The following FBXW10B variants were observed in gnomAD, a reference collection of about 807,000 sequenced individuals.
FBXW10B encodes F-box and WD repeat domain containing protein 10B.
the FBXW10B span, chr17:15,613,774 C>A: frequency 6.2e-7 from 1 of 1,613,298 alleles, no homozygotes; most frequent in Non-Finnish European, 8.5e-7. Flanking sequence ...ACCCAGAAAC[C>A]CCAGAACTGG....
the FBXW10B span, among the ~76,000 whole-genome samples, chr17:15,614,337 C>T: frequency 2.0e-5 from 3 of 151,948 alleles, no homozygotes; most frequent in Admixed American, 6.6e-5. Flanking sequence ...TACAGGCGCC[C>T]GCCACCACGC....
the FBXW10B span, among the ~76,000 whole-genome samples, chr17:15,611,670 A>T: frequency 6.6e-6 from 1 of 152,194 alleles, no homozygotes; most frequent in South Asian, 2.1e-4. Flanking sequence ...TTCTAATTTA[A>T]CATAGCTGCC....
chr17:15,607,287 CAAAATAAAGATATTTCAA>C, the FBXW10B span, among the ~76,000 whole-genome samples: 1 of 148,518 alleles, frequency 6.7e-6, no homozygotes, highest in Non-Finnish European at 1.5e-5. Context: ...ATTAATAAAA[CAAAATAAAGATATTTCAA>C]AAAATAAAGA....
At chr17:15,572,065 G>A in the FBXW10B span, 11 of 150,252 alleles carry the variant, frequency 7.3e-5, no homozygotes, top group African/African-American at 2.5e-4. Flanking sequence ...CTTGATTGTG[G>A]TGGTGGTTAC....
the FBXW10B span, among the ~76,000 whole-genome samples, chr17:15,592,608 T>A: frequency 5.3e-5 from 8 of 151,970 alleles, no homozygotes; most frequent in African/African-American, 1.9e-4. Flanking sequence ...TCCCCCACTG[T>A]ACCCCCTGCT....
At chr17:15,576,463 G>A in the FBXW10B span, among the ~76,000 whole-genome samples, 1 of 152,314 alleles carries the variant, frequency 6.6e-6, no homozygotes, top group South Asian at 2.1e-4. Context: ...GAATAGATCA[G>A]TACAAACAAG....
chr17:15,614,354 A>G, the FBXW10B span, among the ~76,000 whole-genome samples: 1 of 151,432 alleles, frequency 6.6e-6, no homozygotes, highest in Admixed American at 6.6e-5. Flanking sequence ...ACGCCCGACT[A>G]ATTTTTTGTA....
the FBXW10B span, among the ~76,000 whole-genome samples, chr17:15,585,009 A>G: frequency 3.4e-5 from 5 of 148,692 alleles, no homozygotes; most frequent in Non-Finnish European, 7.4e-5. Context: ...CAATTCAGGA[A>G]AAATAAAATG....
the FBXW10B span, among the ~76,000 whole-genome samples, chr17:15,611,772 G>C: frequency 6.6e-6 from 1 of 152,132 alleles, no homozygotes; most frequent in African/African-American, 2.4e-5. Flanking sequence ...CAGGTGGGGG[G>C]GCGCAGAAAT....
chr17:15,592,718 G>A, the FBXW10B span, among the ~76,000 whole-genome samples: 1 of 151,746 alleles, frequency 6.6e-6, no homozygotes, highest in African/African-American at 2.4e-5. Context: ...TGATCAAAGA[G>A]CAAGCAGGGG....
the FBXW10B span, chr17:15,572,888 T>G: frequency 6.6e-6 from 1 of 151,666 alleles, no homozygotes; most frequent in South Asian, 2.1e-4. Context: ...GTTGTACAAA[T>G]GGGGCTGGTG....
the FBXW10B span, among the ~76,000 whole-genome samples, chr17:15,587,013 G>A: frequency 6.6e-6 from 1 of 151,614 alleles, no homozygotes; most frequent in African/African-American, 2.4e-5. Context: ...CTGGAGCCTT[G>A]AGAAGGCAGG....
the FBXW10B span, among the ~76,000 whole-genome samples, chr17:15,595,104 G>A: frequency 6.6e-6 from 1 of 152,150 alleles, no homozygotes; most frequent in African/African-American, 2.4e-5. Context: ...CACTTTGGGA[G>A]GCCGAGGCGG....
chr17:15,612,838 A>C, the FBXW10B span: 3 of 1,604,422 alleles, frequency 1.9e-6, no homozygotes, highest in Middle Eastern at 1.7e-4. Flanking sequence ...AAAAACAAAA[A>C]AAAACCAAAA....
At chr17:15,611,775 G>A in the FBXW10B span, among the ~76,000 whole-genome samples, 10 of 152,218 alleles carry the variant, frequency 6.6e-5, no homozygotes, top group South Asian at 2.1e-4. Flanking sequence ...GTGGGGGGGC[G>A]CAGAAATCTA....
the FBXW10B span, chr17:15,573,159 G>A: frequency 6.6e-6 from 1 of 152,190 alleles, no homozygotes; most frequent in Admixed American, 6.5e-5. Flanking sequence ...CTGTCTACCT[G>A]TAATTCATTA....
the FBXW10B span, among the ~76,000 whole-genome samples, chr17:15,616,937 C>T: frequency 6.6e-6 from 1 of 151,984 alleles, no homozygotes; most frequent in East Asian, 1.9e-4. Flanking sequence ...CACTGCGGAG[C>T]ATTGCATCTG....
chr17:15,571,256 G>T, the FBXW10B span, among the ~76,000 whole-genome samples: 1 of 151,430 alleles, frequency 6.6e-6, no homozygotes, highest in African/African-American at 2.4e-5. Flanking sequence ...GAGGAGGGAG[G>T]ATCACTTGAG....
the FBXW10B span, among the ~76,000 whole-genome samples, chr17:15,570,520 A>G: frequency 6.6e-6 from 1 of 152,352 alleles, no homozygotes; most frequent in East Asian, 1.9e-4. Context: ...GAAAATGTAC[A>G]GACCAGACTA....
Sources: allele counts gnomAD v4.1 joint callset (sites outside exome capture counted in the v4.1 genomes callset), GRCh38; gene constraint gnomAD v4.1.1; transcripts MANE v1.5; gene names NCBI Gene and HGNC (gene_info 2026-07-23, HGNC 2026-07-21).